The following FCER2 variants were observed in gnomAD, a reference collection of about 807,000 sequenced individuals.
FCER2 encodes low affinity immunoglobulin epsilon Fc receptor.
Under a neutral mutation model 49.7 loss-of-function variants are expected in FCER2, and 38 were observed. That is an observed-to-expected ratio of 0.76 (90% CI 0.59 to 1.00). The LOEUF is 1.00. Ranked by LOEUF, FCER2 falls within the 50% of genes least tolerant of loss-of-function variation. The probability of loss-of-function intolerance (pLI) is 0.00; values close to 1 mark genes in which losing one functional copy is unlikely to be tolerated. For synonymous variants in FCER2, 163 were observed against 164.6 expected (o/e 0.99, Z 0.07); for missense variants, 425 against 419.5 (o/e 1.01, Z -0.11).
chr19:7,698,283 C>T, intron 4 of FCER2, 73 bp downstream of exon 4: 1 of 1,098,360 alleles, frequency 9.1e-7, no homozygotes, highest in South Asian at 1.6e-5. Context: ...ACACTGAGGC[C>T]CAGAGAGGAG....
intron 5 of FCER2, 53 bp from the exon 6 acceptor site, chr19:7,697,351 A>G (rs1398978340): frequency 1.3e-6 from 2 of 1,574,522 alleles, no homozygotes; most frequent in Admixed American, 3.3e-5. Context: ...TGTCTCCCCC[A>G]TCTACCCCCA....
chr19:7,699,601 T>A, intron 2 of FCER2, 138 bp downstream of exon 2: 1 of 1,187,556 alleles, frequency 8.4e-7, no homozygotes, highest in African/African-American at 1.5e-5. Flanking sequence ...CTCACCTCCT[T>A]ACTCACACCA....
rs761139731 is a variant in FCER2 at position 7,698,456 on chromosome 19, C to T, written c.137-47G>A. 9 of 1,431,368 alleles carry T rather than the reference C, an allele frequency of 6.3e-6. No homozygotes were observed. In the South Asian group the frequency reaches 7.2e-5, roughly 11 times the overall value. The allele number at this position is 1,431,368 out of a possible 1,614,324, so 88.7% of individuals were successfully genotyped here. A position where few individuals can be genotyped will look rare whatever the true frequency, so the allele number is the denominator to read the frequency against. On this transcript the variant is annotated intron_variant, in intron 3 of 10. Coordinates refer to ENST00000597921, the MANE Select transcript of FCER2 (RefSeq NM_001220500.2). ...GAGTGGAGAGGGGGGATTGTCAGTGCCCCCACCTGCCTGCACCCCACCTCC... is the reference window on the plus strand; with the variant it reads ...GAGTGGAGAGGGGGGATTGTCAGTGTCCCCACCTGCCTGCACCCCACCTCC...
At chr19:7,697,383 C>G (rs747631191) in intron 5 of FCER2, 85 bp from the exon 6 acceptor site, 52 of 1,538,468 alleles carry the variant, frequency 3.4e-5, no homozygotes, top group Non-Finnish European at 4.3e-5. Flanking sequence ...GTCTCTTTGC[C>G]TGGGTTCTTG....
Position 7,689,411 on chromosome 19 carries a change from G to C in FCER2, c.748C>G (p.Pro250Ala). 1 of 1,593,548 alleles carries C rather than the reference G, an allele frequency of 6.3e-7. No homozygotes were observed. Among genetic ancestry groups the C allele is most frequent in the Non-Finnish European group, 8.5e-7 (1 of 1,170,416 alleles). Residue 250 changes from proline to alanine, a missense_variant, in exon 11 of 11, where the codon CCC becomes GCC. Physicochemically the swap from Pro to Ala is conservative, Grantham distance 27. Transcript: ENST00000597921. Reference protein sequence around the residue: ...VDYSNWAPGEPTSRSQGEDCV... With the variant: ...VDYSNWAPGEATSRSQGEDCV... ...TCCTCGCCCTGGCTCCGGCTGGTGG[G>C]CTCCCCTGGAGCCCAGTTGCTGGAG...
intron 2 of FCER2, chr19:7,699,301 C>T (rs1331034387): frequency 1.2e-5 from 11 of 898,434 alleles, no homozygotes; most frequent in Non-Finnish European, 1.4e-5. Flanking sequence ...ACATCCAGAC[C>T]TCCAAACCTC....
In FCER2 at chr19:7,689,423, C is replaced by T. The variant is rs767049788; in HGVS notation, c.736G>A (p.Ala246Thr). 16 of 1,583,384 alleles carry T rather than the reference C, an allele frequency of 1.0e-5. No homozygotes were observed. Among genetic ancestry groups the T allele is most frequent in the Non-Finnish European group, 1.4e-5 (16 of 1,163,852 alleles). ...CTCCGGCTGGTGGGCTCCCCTGGAG[C>T]CCAGTTGCTGGAGCAAAAGGCTTTG... ...DGSHVDYSNW[A>T]PGEPTSRSQG... Residue 246 changes from alanine (A) to threonine (T), a missense_variant, in exon 11 of 11, where the codon GCT (alanine) becomes ACT (threonine). Physicochemically the swap from Ala to Thr is moderately conservative, Grantham distance 58. Transcript: ENST00000597921.
rs753809296 is a variant in FCER2, at chr19:7,696,974, G to A, written c.379+39C>T. The A allele has an allele frequency of 3.0e-5, 47 of 1,559,744 alleles. No individual in the cohort carries two copies. The South Asian group carries it at 4.0e-4, about 13-fold the overall frequency. On this transcript the variant is annotated intron_variant, in intron 7 of 10. Coordinates refer to ENST00000597921, the MANE Select transcript of FCER2 (RefSeq NM_001220500.2). ...CAACTGGCAGGCCCCCTCCTTGTCC[G>A]TTCCCTCCCCCACTGCCCCATCCCC...
chr19:7,696,561 A>G (rs1261201574), intron 8 of FCER2, among the ~76,000 whole-genome samples: 2 of 151,888 alleles, frequency 1.3e-5, no homozygotes, highest in African/African-American at 2.4e-5. Flanking sequence ...AAAAAATAAA[A>G]TAAGCGGTGT....
At chr19:7,699,172 C>A (rs144388740) in intron 2 of FCER2, among the ~76,000 whole-genome samples, 182 of 152,162 alleles carry the variant, frequency 1.2e-3, no homozygotes, top group African/African-American at 4.2e-3. Context: ...CCAACGCCCA[C>A]CCTTACACCT....
rs764652613 is a variant in FCER2, at chr19:7,698,457, C to T, written c.137-48G>A. 5 of 1,441,038 alleles carry T rather than the reference C, an allele frequency of 3.5e-6. No homozygotes were observed. In the South Asian group the frequency reaches 6.0e-5, roughly 17 times the overall value. The allele number at this position is 1,441,038 out of a possible 1,614,324, so 89.3% of individuals were successfully genotyped here. On this transcript the variant is annotated intron_variant, in intron 3 of 10. Transcript: ENST00000597921. ...AGTGGAGAGGGGGGATTGTCAGTGC[C>T]CCCACCTGCCTGCACCCCACCTCCC...
intron 8 of FCER2, among the ~76,000 whole-genome samples, chr19:7,691,536 C>T (rs2032871144): frequency 6.6e-6 from 1 of 152,126 alleles, no homozygotes; most frequent in South Asian, 2.1e-4. Context: ...ACCCACATCA[C>T]CAGTTCCACA....
At position 7,689,316 on chromosome 19, in the gene FCER2, C is replaced by CACCCAGGCGCCCAGCT; in HGVS notation, c.827_842dup (p.Cys282AlafsTer27). 1 of 1,613,302 alleles carries CACCCAGGCGCCCAGCT rather than the reference C, an allele frequency of 6.2e-7. No homozygotes were observed. The highest frequency in any genetic ancestry group is 8.5e-7 in the Non-Finnish European group (1 of 1,179,768). ...GCGTGCATGTGGCCAGCCGGTCGCA[C>CACCCAGGCGCCCAGCT]ACCCAGGCGCCCAGCTTACGGTCGC... On this transcript the variant is annotated frameshift_variant, in exon 11 of 11. Coordinates refer to ENST00000597921, the MANE Select transcript of FCER2 (RefSeq NM_001220500.2). LOFTEE classifies it high-confidence loss of function.
At chr19:7,693,232 C>G (rs2032928206) in intron 8 of FCER2, among the ~76,000 whole-genome samples, 1 of 152,146 alleles carries the variant, frequency 6.6e-6, no homozygotes, top group African/African-American at 2.4e-5. Flanking sequence ...GCAGAACCCG[C>G]CAAACCAGCA....
chr19:7,689,340 G>A lies in FCER2; in HGVS notation c.819C>T (p.Cys273=), dbSNP rs2229230. 9.9e-4 allele frequency: 1,590 copies of A among 1,612,130 alleles called. 18 individuals are homozygous for A. In the African/African-American group the frequency reaches 0.018, roughly 18 times the overall value. The change falls in exon 11 of 11, where the codon TGC becomes TGT. Residue 273 remains cysteine (C), a synonymous_variant. Transcript: ENST00000597921. ...RGSGRWNDAF[C]DRKLGAWVCD... ...ACACCCAGGCGCCCAGCTTACGGTC[G>A]CAGAAGGCGTCGTTCCAGCGACCGG...
At chr19:7,699,483 T>C (rs1385471814) in intron 2 of FCER2, 1 of 1,207,492 alleles carries the variant, frequency 8.3e-7, no homozygotes, top group Non-Finnish European at 1.0e-6. Flanking sequence ...AGCCGTTTTT[T>C]TTTTTTTTTC....
chr19:7,698,390 A>G lies in FCER2; in HGVS notation c.156T>C (p.Ser52=). ...CAGCCCTCTCTTCCAGCTGTTTTAG[A>G]CTCTGTGTGGTGTCCCAGTCTGGGG... ...LLLWHWDTTQ[S]LKQLEERAAR... The change falls in exon 4 of 11, where the codon AGT becomes AGC. Residue 52 remains serine, a synonymous_variant. Coordinates refer to ENST00000597921, the MANE Select transcript of FCER2 (RefSeq NM_001220500.2). 6.2e-7 allele frequency: 1 copy of G among 1,611,660 alleles called. No individual in the cohort carries two copies. The highest frequency in any genetic ancestry group is 8.5e-7 in the Non-Finnish European group (1 of 1,178,860).
chr19:7,690,906 A>G (rs2032849609), intron 8 of FCER2, among the ~76,000 whole-genome samples: 1 of 152,058 alleles, frequency 6.6e-6, no homozygotes, highest in South Asian at 2.1e-4. Flanking sequence ...CATGTCCAAT[A>G]TGGTCAACAC....
Position 7,689,437 on chromosome 19 carries a change from C to G in FCER2, c.729-7G>C, listed in dbSNP as rs2032797801. The G allele has an allele frequency of 6.4e-7, 1 of 1,569,638 alleles. No homozygotes were observed. The highest frequency in any genetic ancestry group is 8.7e-7 in the Non-Finnish European group (1 of 1,152,780). ...CTCCCCTGGAGCCCAGTTGCTGGAG[C>G]AAAAGGCTTTGGGTCAGGGGATGGG... On this transcript the variant is annotated splice_polypyrimidine_tract_variant and splice_region_variant and intron_variant, in intron 10 of 10. Coordinates refer to ENST00000597921, the MANE Select transcript of FCER2 (RefSeq NM_001220500.2).
Sources: allele counts gnomAD v4.1 joint callset (sites outside exome capture counted in the v4.1 genomes callset), GRCh38; gene constraint gnomAD v4.1.1; transcripts MANE v1.5; gene names NCBI Gene and HGNC (gene_info 2026-07-23, HGNC 2026-07-21).